NBPF3: variants seen among roughly 807,000 people sequenced by gnomAD.
The protein encoded by NBPF3 is NBPF family member NBPF3.
NBPF3 carries 57 observed loss-of-function variants against 78.1 expected under a neutral mutation model. The ratio of observed to expected loss-of-function variants is 0.73; its 90% CI spans 0.59 to 0.91. The LOEUF is 0.91. Among genes scored for constraint, NBPF3 ranks in the 40% least tolerant of loss-of-function variants. The pLI, the probability that NBPF3 is intolerant of heterozygous loss-of-function variation, is 0.00. For synonymous variants in NBPF3, 182 were observed against 271.7 expected (o/e 0.67, Z 3.25); for missense variants, 510 against 715.3 (o/e 0.71, Z 3.27).
chr1:21,442,162 T>C (rs1335307452), intron 1 of NBPF3: 1 of 152,220 alleles, frequency 6.6e-6, no homozygotes, highest in African/African-American at 2.4e-5. Context: ...CTTTTTTCAA[T>C]CTGTAGCTTG....
upstream of NBPF3, chr1:21,440,033 A>T (rs1640524641): frequency 6.6e-6 from 1 of 152,284 alleles, no homozygotes; most frequent in Non-Finnish European, 1.5e-5. Flanking sequence ...GAGGCCGCCG[A>T]GTCCCTTTAA....
At chr1:21,443,407 A>G (rs1558471939) in intron 1 of NBPF3, among the ~76,000 whole-genome samples, 3 of 151,676 alleles carry the variant, frequency 2.0e-5, no homozygotes, top group Middle Eastern at 3.2e-3. Context: ...TGCAGTTTTG[A>G]CTCTTTTATT....
At chr1:21,454,497 C>T (rs1405715927) in intron 2 of NBPF3, among the ~76,000 whole-genome samples, 2 of 152,096 alleles carry the variant, frequency 1.3e-5, no homozygotes, top group Non-Finnish European at 2.9e-5. Flanking sequence ...AAATCTTCCT[C>T]TAAGCCTTCC....
rs1265394130 is a variant in NBPF3 at position 21,453,765 on chromosome 1, A to G, written c.133+8546A>G. On this transcript the variant is annotated intron_variant, in intron 2 of 14. Coordinates refer to ENST00000318249, the MANE Select transcript of NBPF3 (RefSeq NM_032264.6). ...AGGACAGAGACCTGATGGAGTCACC[A>G]TAGTGGGAATTTATGACCTGGCATC... 2.6e-5 allele frequency: 4 copies of G among 152,246 alleles called. No homozygotes were observed. The South Asian group carries it at 6.2e-4, about 24-fold the overall frequency. The allele number at this position is 152,246 out of a possible 1,614,324, so 9.4% of individuals were successfully genotyped here.
At chr1:21,466,526 A>C (rs1642274830) in intron 2 of NBPF3, among the ~76,000 whole-genome samples, 1 of 152,402 alleles carries the variant, frequency 6.6e-6, no homozygotes, top group Admixed American at 6.5e-5. Context: ...GGGAAGACCC[A>C]AGTCTCATAC....
At chr1:21,473,173 C>A (rs917542128) in intron 6 of NBPF3, among the ~76,000 whole-genome samples, 1 of 152,172 alleles carries the variant, frequency 6.6e-6, no homozygotes, top group Admixed American at 6.5e-5. Context: ...CAATGAACAC[C>A]AGTTGCTGTC....
intron 12 of NBPF3, 32 bp from the exon 13 acceptor site, chr1:21,481,565 T>C (rs532804824): frequency 6.2e-7 from 1 of 1,607,198 alleles, no homozygotes; most frequent in East Asian, 2.2e-5. Context: ...TGATTTCCCC[T>C]GGCTTATTCT....
intron 9 of NBPF3, among the ~76,000 whole-genome samples, chr1:21,478,521 A>G (rs1643007740): frequency 6.6e-6 from 1 of 152,262 alleles, no homozygotes; most frequent in African/African-American, 2.4e-5. Flanking sequence ...GTCTCAGGCC[A>G]TGCCTGTGCC....
rs530349956 is a variant in NBPF3, at chr1:21,474,910, T to C, written c.951T>C (p.Ser317=). The C allele has an allele frequency of 3.6e-5, 57 of 1,603,066 alleles. 2 individuals carry two copies. In the African/African-American group the frequency reaches 5.4e-4, roughly 15 times the overall value. ...TGAATTTATTTCCAGAAAATGAAAG[T>C]GATCATGAGCAAGAGGAAGAAAAAG... ...DAVCIIPENE[S]DHEQEEEKGP... The change falls in exon 8 of 15, where the codon AGT becomes AGC. Residue 317 remains serine (S), a synonymous_variant. Coordinates refer to ENST00000318249, the MANE Select transcript of NBPF3 (RefSeq NM_032264.6).
upstream of NBPF3, among the ~76,000 whole-genome samples, chr1:21,438,265 A>G (rs554328148): frequency 1.3e-5 from 2 of 151,816 alleles, no homozygotes; most frequent in African/African-American, 2.4e-5. Context: ...GGCGTGCACC[A>G]CCATGTCTGG....
chr1:21,437,389 G>A, upstream of NBPF3: 2 of 858,902 alleles, frequency 2.3e-6, no homozygotes, highest in Non-Finnish European at 1.7e-6. Context: ...GAGCACATTG[G>A]GGAGTGGAAT....
chr1:21,469,949 C>A (rs558712357), intron 3 of NBPF3, among the ~76,000 whole-genome samples: 1 of 152,350 alleles, frequency 6.6e-6, no homozygotes, highest in South Asian at 2.1e-4. Flanking sequence ...ATACCTACCT[C>A]TGTAAATTGC....
chr1:21,480,020 G>A (rs1434689544), intron 10 of NBPF3, 31 bp from the exon 11 acceptor site: 1 of 1,029,546 alleles, frequency 9.7e-7, no homozygotes, highest in Admixed American at 1.7e-5. Context: ...GATTCCCCCT[G>A]GCTTATTCTT....
intron 5 of NBPF3, 138 bp from the exon 6 acceptor site, chr1:21,472,705 T>C (rs2147993776): frequency 2.8e-6 from 2 of 725,964 alleles, no homozygotes; most frequent in East Asian, 5.2e-5. Flanking sequence ...CCAGGGCATT[T>C]TGTTAACGAT....
intron 2 of NBPF3, among the ~76,000 whole-genome samples, chr1:21,458,590 C>T (rs1641772070): frequency 1.3e-5 from 2 of 152,124 alleles, no homozygotes; most frequent in African/African-American, 4.8e-5. Flanking sequence ...TCAGCAATTA[C>T]AAGGCATTAA....
upstream of NBPF3, among the ~76,000 whole-genome samples, chr1:21,438,360 C>T (rs369292768): frequency 6.6e-6 from 1 of 152,134 alleles, no homozygotes. Flanking sequence ...GTGATCCACC[C>T]GCTTCGGCCA....
chr1:21,473,712 A>T, intron 7 of NBPF3, 127 bp downstream of exon 7: 1 of 873,106 alleles, frequency 1.1e-6, no homozygotes, highest in East Asian at 2.4e-5. Flanking sequence ...AGAGATATCA[A>T]GGAGGTTTTC....
rs1553386354 is a variant in NBPF3, at chr1:21,446,487, T to TTCCTTCCG, written c.133+1275_133+1276insGTCCTTCC. 3 of 130,800 alleles carry TTCCTTCCG rather than the reference T, an allele frequency of 2.3e-5. No homozygotes were observed. The East Asian group carries it at 6.7e-4, about 29-fold the overall frequency. The allele number at this position is 130,800 out of a possible 1,614,324, so 8.1% of individuals were successfully genotyped here. On this transcript the variant is annotated intron_variant, in intron 2 of 14. Coordinates refer to ENST00000318249, the MANE Select transcript of NBPF3 (RefSeq NM_032264.6). ...CTTCCTTCCTTCCTTCCTTCCTTCC[T>TTCCTTCCG]TCCTTCCCTACTTCCCTCCAACTCT...
At chr1:21,452,246 A>G (rs1641353145) in intron 2 of NBPF3, among the ~76,000 whole-genome samples, 2 of 152,192 alleles carry the variant, frequency 1.3e-5, no homozygotes, top group African/African-American at 2.4e-5. Context: ...AAAATGAGCA[A>G]ACATGTGGCC....
Sources: gnomAD v4.1 joint callset for allele counts (sites outside exome capture counted in the v4.1 genomes callset) on GRCh38, gnomAD v4.1.1 for gene constraint, MANE v1.5 for transcripts, NCBI Gene and HGNC (gene_info 2026-07-23, HGNC 2026-07-21) for gene names.